AP3B1: variants seen among roughly 807,000 people sequenced by gnomAD.
AP3B1 encodes AP-3 complex subunit beta-1.
Under a neutral mutation model 132.5 loss-of-function variants are expected in AP3B1, and 61 were observed. The observed-to-expected ratio is 0.46, with a 90% CI of 0.37 to 0.57. AP3B1 has a LOEUF of 0.57. AP3B1 is among the 20% of genes least tolerant of loss of function. The probability of loss-of-function intolerance (pLI) is 0.00; values close to 1 mark genes in which losing one functional copy is unlikely to be tolerated. For synonymous variants in AP3B1, 388 were observed against 438.3 expected, an observed-to-expected ratio of 0.89 and a Z score of 1.43; for missense variants, 1,120 against 1,289.4, an observed-to-expected ratio of 0.87 and a Z score of 2.01.
intron 22 of AP3B1, among the ~76,000 whole-genome samples, chr5:78,075,969 G>T (rs1477231231): frequency 6.6e-6 from 1 of 152,218 alleles, no homozygotes; most frequent in Non-Finnish European, 1.5e-5. Flanking sequence ...TGCTAAAGGA[G>T]AAGAGTAGTT....
At chr5:78,117,552 C>T (rs1751910805) in intron 17 of AP3B1, among the ~76,000 whole-genome samples, 2 of 152,104 alleles carry the variant, frequency 1.3e-5, no homozygotes, top group African/African-American at 4.8e-5. Context: ...TCAGGTGATC[C>T]ACCTGCCTCG....
intron 12 of AP3B1, among the ~76,000 whole-genome samples, chr5:78,163,924 A>G (rs1251182348): frequency 1.3e-5 from 2 of 151,990 alleles, no homozygotes; most frequent in African/African-American, 4.8e-5. Context: ...AGAAGTATAC[A>G]ATGTAGACTT....
chr5:78,229,872 C>T (rs193037846), intron 3 of AP3B1, among the ~76,000 whole-genome samples: 172 of 152,220 alleles, frequency 1.1e-3, no homozygotes, highest in Middle Eastern at 3.4e-3. Flanking sequence ...ATCATATTTC[C>T]AGTCATACTA....
intron 2 of AP3B1, among the ~76,000 whole-genome samples, chr5:78,259,607 C>T (rs1747996323): frequency 6.6e-6 from 1 of 152,158 alleles, no homozygotes; most frequent in African/African-American, 2.4e-5. Flanking sequence ...CACATGCACA[C>T]CTGTATTAAA....
chr5:78,174,513 C>G lies in AP3B1; in HGVS notation c.1167+1113G>C, dbSNP rs371581993. ...ACCCTGTTTGCCTGGTTATCACCAGCGGAGGCTGCAGCACAGCAAATGCTG... is the reference window on the plus strand; with the variant it reads ...ACCCTGTTTGCCTGGTTATCACCAGGGGAGGCTGCAGCACAGCAAATGCTG... On this transcript the variant is annotated intron_variant, in intron 11 of 26. Coordinates refer to ENST00000255194, the MANE Select transcript of AP3B1 (RefSeq NM_003664.5). Among the ~76,000 whole-genome samples the G allele has an allele frequency of 6.6e-5, 10 of 152,314 alleles. No homozygotes were observed. The East Asian group carries it at 1.7e-3, about 26-fold the overall frequency.
At chr5:78,038,104 A>C (rs1747879537) in intron 23 of AP3B1, among the ~76,000 whole-genome samples, 1 of 152,222 alleles carries the variant, frequency 6.6e-6, no homozygotes, top group Non-Finnish European at 1.5e-5. Context: ...AGCTGGGGGC[A>C]GCCGCTGCTC....
At chr5:78,285,541 C>A (rs1749238093) in intron 1 of AP3B1, among the ~76,000 whole-genome samples, 1 of 152,158 alleles carries the variant, frequency 6.6e-6, no homozygotes, top group Non-Finnish European at 1.5e-5. Context: ...CAAATTTATA[C>A]TTCTAGCCTG....
chr5:78,183,754 C>A (rs979585858), intron 7 of AP3B1, among the ~76,000 whole-genome samples: 2 of 151,498 alleles, frequency 1.3e-5, no homozygotes, highest in African/African-American at 4.9e-5. Context: ...GTAATCCCAG[C>A]TACTCGAGAG....
Position 78,214,662 on chromosome 5 carries a change from C to T in AP3B1, c.786+1393G>A, listed in dbSNP as rs547271722. Among the ~76,000 whole-genome samples the T allele has an allele frequency of 2.6e-5, 4 of 152,186 alleles. No homozygotes were observed. The East Asian group carries it at 7.7e-4, about 29-fold the overall frequency. Reference sequence around the variant, plus strand: ...AATTGGCTGAAATCAAACAAATAAGCTGTTTGGCAACAAAAATCTCTCATC... The same window carrying T: ...AATTGGCTGAAATCAAACAAATAAGTTGTTTGGCAACAAAAATCTCTCATC... On this transcript the variant is annotated intron_variant, in intron 7 of 26. Transcript: ENST00000255194.
At chr5:78,098,247 C>T (rs1311020940) in intron 21 of AP3B1, among the ~76,000 whole-genome samples, 4 of 151,262 alleles carry the variant, frequency 2.6e-5, no homozygotes, top group East Asian at 1.9e-4. Context: ...GCCAAATCCC[C>T]CTCTGTGAGA....
At chr5:78,173,639 G>T (rs1263891798) in intron 11 of AP3B1, among the ~76,000 whole-genome samples, 1 of 151,336 alleles carries the variant, frequency 6.6e-6, no homozygotes, top group African/African-American at 2.5e-5. Flanking sequence ...GCCTATGTGT[G>T]TCCCTGCAGG....
chr5:78,110,428 T>A lies in AP3B1; in HGVS notation c.2250-74A>T. On this transcript the variant is annotated intron_variant, in intron 19 of 26. Coordinates refer to ENST00000255194, the MANE Select transcript of AP3B1 (RefSeq NM_003664.5). ...AAGCAGTTTATAAAAAAATTGTTTTTAAATTCCAGAATACATTAATGAGGT... is the reference window on the plus strand; with the variant it reads ...AAGCAGTTTATAAAAAAATTGTTTTAAAATTCCAGAATACATTAATGAGGT... 4.3e-6 allele frequency: 5 copies of A among 1,165,700 alleles called. No homozygotes were observed. In the South Asian group the frequency reaches 7.1e-5, roughly 17 times the overall value. The allele number at this position is 1,165,700 out of a possible 1,614,324, so 72.2% of individuals were successfully genotyped here. A position where few individuals can be genotyped will look rare whatever the true frequency, so the allele number is the denominator to read the frequency against.
intron 7 of AP3B1, among the ~76,000 whole-genome samples, chr5:78,193,770 A>ATATATATTTTTTTTTTTTTT: frequency 1.5e-5 from 1 of 67,216 alleles, no homozygotes; most frequent in Non-Finnish European, 3.2e-5. Context: ...ATATATATAT[A>ATATATATTTTTTTTTTTTTT]TTTTTTTTTT....
chr5:78,076,968 G>C (rs1749793061), intron 22 of AP3B1, among the ~76,000 whole-genome samples: 1 of 152,118 alleles, frequency 6.6e-6, no homozygotes, highest in Admixed American at 6.5e-5. Context: ...TGAGTTCTCT[G>C]AGTTGTTCTA....
At chr5:78,216,895 C>G (rs1390100054) in intron 6 of AP3B1, among the ~76,000 whole-genome samples, 1 of 152,012 alleles carries the variant, frequency 6.6e-6, no homozygotes, top group Non-Finnish European at 1.5e-5. Flanking sequence ...GGGGCTCTTC[C>G]AACACCAGTT....
intron 17 of AP3B1, among the ~76,000 whole-genome samples, chr5:78,125,530 T>C (rs985752881): frequency 4.6e-5 from 7 of 152,124 alleles, no homozygotes; most frequent in African/African-American, 1.7e-4. Flanking sequence ...AGAAAGATAA[T>C]ACGGACATTA....
intron 11 of AP3B1, among the ~76,000 whole-genome samples, 155 bp downstream of exon 11, chr5:78,175,471 T>C (rs1439664036): frequency 6.6e-6 from 1 of 152,198 alleles, no homozygotes; most frequent in Admixed American, 6.5e-5. Flanking sequence ...GTAATTAGTA[T>C]ATAATAATAT....
intron 8 of AP3B1, among the ~76,000 whole-genome samples, chr5:78,178,920 C>T (rs958893284): frequency 2.6e-5 from 4 of 151,970 alleles, no homozygotes; most frequent in African/African-American, 4.8e-5. Context: ...ACTAAAGAAC[C>T]GTTTTTAAAA....
chr5:78,192,673 C>A (rs972226779), intron 7 of AP3B1, among the ~76,000 whole-genome samples: 3 of 152,080 alleles, frequency 2.0e-5, no homozygotes, highest in Admixed American at 2.0e-4. Context: ...AAATCCTAAT[C>A]CCCAGTGTGA....
Sources: allele counts gnomAD v4.1 joint callset (sites outside exome capture counted in the v4.1 genomes callset), GRCh38; gene constraint gnomAD v4.1.1; transcripts MANE v1.5; gene names NCBI Gene and HGNC (gene_info 2026-07-23, HGNC 2026-07-21).